Variants in GLIS3 observed in about 807,000 individuals in gnomAD.
The protein encoded by GLIS3 is GLIS family zinc finger 3.
In GLIS3, 53 loss-of-function variants were observed where a neutral mutation model predicts 78.6. The observed-to-expected ratio is 0.67, with a 90% CI of 0.54 to 0.85. The LOEUF is 0.85. GLIS3 is among the 40% of genes least tolerant of loss of function. The pLI is 0.00. For missense variants in GLIS3, 1,703 were observed against 1,231.1 expected, an observed-to-expected ratio of 1.38 and a Z score of -5.74; for synonymous variants, 684 against 509.9, an observed-to-expected ratio of 1.34 and a Z score of -4.60.
rs115831354 is a variant in GLIS3, at chr9:3,946,884, T to G, written c.1711-9695A>C. Among the ~76,000 whole-genome samples the G allele has an allele frequency of 5.6e-3, 848 of 151,600 alleles. 15 individuals are homozygous for G. Among genetic ancestry groups the G allele is most frequent in the African/African-American group, 0.019 (786 of 41,486 alleles). ...CCAGGGAAGAGCCTCTCATCAGAGT[T>G]TCTCATGCAAAGAAAAATGATCTTT... On this transcript the variant is annotated intron_variant, in intron 4 of 10. Coordinates refer to ENST00000381971, the MANE Select transcript of GLIS3 (RefSeq NM_001042413.2).
At chr9:4,104,646 C>T (rs2130814864) in intron 4 of GLIS3, among the ~76,000 whole-genome samples, 1 of 152,282 alleles carries the variant, frequency 6.6e-6, no homozygotes, top group Middle Eastern at 3.4e-3. Flanking sequence ...CCATCACAGT[C>T]TCTTCTCTTC....
intron 4 of GLIS3, among the ~76,000 whole-genome samples, chr9:4,058,310 G>A (rs1470674752): frequency 6.6e-6 from 1 of 151,268 alleles, no homozygotes; most frequent in African/African-American, 2.4e-5. Flanking sequence ...ACACAATAAG[G>A]CATAAAAAAA....
At chr9:3,940,741 C>T (rs761821226) in intron 4 of GLIS3, among the ~76,000 whole-genome samples, 4 of 152,128 alleles carry the variant, frequency 2.6e-5, no homozygotes, top group Non-Finnish European at 4.4e-5. Flanking sequence ...TGGGGAGCAG[C>T]GATGGAGGAA....
intron 4 of GLIS3, among the ~76,000 whole-genome samples, chr9:4,082,892 T>A (rs1388106932): frequency 6.6e-6 from 1 of 152,246 alleles, no homozygotes; most frequent in African/African-American, 2.4e-5. Context: ...TCGACACCTC[T>A]TTTTGTTCCA....
chr9:4,428,924 T>G, the GLIS3 span, among the ~76,000 whole-genome samples: 8 of 152,084 alleles, frequency 5.3e-5, no homozygotes. Flanking sequence ...CCATACCAAT[T>G]CATCACTAAG....
chr9:4,401,252 TTC>T, the GLIS3 span, among the ~76,000 whole-genome samples: 1 of 152,006 alleles, frequency 6.6e-6, no homozygotes, highest in Non-Finnish European at 1.5e-5. Flanking sequence ...TTGGGTTTAT[TTC>T]TGTTTGTTTG....
intron 4 of GLIS3, among the ~76,000 whole-genome samples, chr9:4,004,143 A>G (rs1467850764): frequency 6.6e-6 from 1 of 152,204 alleles, no homozygotes; most frequent in East Asian, 1.9e-4. Context: ...AATAAATATG[A>G]TATGTTAAAG....
rs1817836813 is a variant in GLIS3, at chr9:3,828,317, C to T, written c.2748G>A (p.Val916=). ...AGGAGAGCTGGCTAGGACAGCGGTC[C>T]ACGGTGCTGATCTGCAAGAAGGTAG... ...EDATFLQIST[V]DRCPSQLSSV... Residue 916 remains valine, a synonymous_variant, in exon 11 of 11, where the codon GTG becomes GTA. Transcript: ENST00000381971. 1 of 1,613,508 alleles carries T rather than the reference C, an allele frequency of 6.2e-7. No individual in the cohort carries two copies. Among genetic ancestry groups the T allele is most frequent in the Non-Finnish European group, 8.5e-7 (1 of 1,179,492 alleles).
intron 4 of GLIS3, among the ~76,000 whole-genome samples, chr9:4,047,298 G>A (rs1000949161): frequency 6.6e-6 from 1 of 152,128 alleles, no homozygotes; most frequent in Non-Finnish European, 1.5e-5. Flanking sequence ...TGCAGAACGT[G>A]AGTCAATTAA....
At chr9:4,478,858 A>T in the GLIS3 span, among the ~76,000 whole-genome samples, 3 of 152,222 alleles carry the variant, frequency 2.0e-5, no homozygotes, top group East Asian at 3.8e-4. Flanking sequence ...TGGTGAATTT[A>T]TCGTAGTTGA....
At chr9:4,197,018 A>C (rs553137351) in intron 2 of GLIS3, among the ~76,000 whole-genome samples, 1 of 152,304 alleles carries the variant, frequency 6.6e-6, no homozygotes, top group Non-Finnish European at 1.5e-5. Context: ...TTTCACGGAC[A>C]TAGATCGTGG....
the GLIS3 span, among the ~76,000 whole-genome samples, chr9:4,407,119 G>C: frequency 3.1e-4 from 47 of 152,092 alleles, no homozygotes; most frequent in African/African-American, 1.1e-3. Context: ...GAACAGAATG[G>C]AGAACCCAGA....
chr9:4,473,350 G>A, the GLIS3 span, among the ~76,000 whole-genome samples: 2 of 151,836 alleles, frequency 1.3e-5, no homozygotes, highest in Admixed American at 1.3e-4. Flanking sequence ...GGAGGCTGAG[G>A]CAGGAGAATC....
chr9:4,364,014 C>G, the GLIS3 span, among the ~76,000 whole-genome samples: 1 of 152,066 alleles, frequency 6.6e-6, no homozygotes, highest in Non-Finnish European at 1.5e-5. Flanking sequence ...AGCCTTGGTT[C>G]AACAGTAGGT....
the GLIS3 span, among the ~76,000 whole-genome samples, chr9:4,368,884 T>C: frequency 6.6e-6 from 1 of 152,188 alleles, no homozygotes; most frequent in African/African-American, 2.4e-5. Flanking sequence ...AAGGTGGCAA[T>C]TTTGGTATTA....
At chr9:3,926,921 G>C (rs1368370200) in intron 6 of GLIS3, among the ~76,000 whole-genome samples, 2 of 152,168 alleles carry the variant, frequency 1.3e-5, no homozygotes. Flanking sequence ...CATTGGGCCT[G>C]GCCTCATTTC....
chr9:3,989,031 T>C (rs1438279361), intron 4 of GLIS3, among the ~76,000 whole-genome samples: 1 of 152,056 alleles, frequency 6.6e-6, no homozygotes, highest in Non-Finnish European at 1.5e-5. Context: ...GTAAATAAAG[T>C]ATATTATAAA....
intron 7 of GLIS3, among the ~76,000 whole-genome samples, chr9:3,882,008 T>A (rs1821761638): frequency 6.6e-6 from 1 of 152,244 alleles, no homozygotes; most frequent in Non-Finnish European, 1.5e-5. Context: ...TTTTTCTACT[T>A]ACTTCATTAC....
intron 2 of GLIS3, among the ~76,000 whole-genome samples, chr9:4,162,950 T>A (rs1267283578): frequency 1.3e-5 from 2 of 149,672 alleles, no homozygotes; most frequent in African/African-American, 2.4e-5. Context: ...ATGTTCTTTT[T>A]AACTGAACTA....
Sources: gnomAD v4.1 joint callset for allele counts (sites outside exome capture counted in the v4.1 genomes callset) on GRCh38, gnomAD v4.1.1 for gene constraint, MANE v1.5 for transcripts, NCBI Gene and HGNC (gene_info 2026-07-23, HGNC 2026-07-21) for gene names.